HIF1AN: variants seen among roughly 807,000 people sequenced by gnomAD.
The protein encoded by HIF1AN is hypoxia-inducible factor 1-alpha inhibitor.
A neutral mutation model predicts 47.7 loss-of-function variants in HIF1AN; 21 were observed. That is an observed-to-expected ratio of 0.44 (90% CI 0.31 to 0.63). The LOEUF is 0.63. Among genes scored for constraint, HIF1AN ranks in the 30% least tolerant of loss-of-function variants. The pLI is 0.07. For missense variants in HIF1AN, 320 were observed against 432.7 expected, an observed-to-expected ratio of 0.74 and a Z score of 2.31; for synonymous variants, 152 against 155.9, an observed-to-expected ratio of 0.98 and a Z score of 0.18.
chr10:100,542,846 G>GTTTTTTTTTTTTTT (rs397730143), intron 3 of HIF1AN, among the ~76,000 whole-genome samples: 1 of 111,762 alleles, frequency 8.9e-6, no homozygotes, highest in Non-Finnish European at 1.7e-5. Context: ...ATGTGAATGT[G>GTTTTTTTTTTTTTT]TTTTTTTTTT....
chr10:100,535,958 G>C lies in HIF1AN; in HGVS notation c.-1G>C. 6.5e-7 allele frequency: 1 copy of C among 1,548,980 alleles called. No individual in the cohort carries two copies. Among genetic ancestry groups the C allele is most frequent in the Non-Finnish European group, 8.7e-7 (1 of 1,147,646 alleles). ...GGTGGGGGCCGTCCCTGGCGGCGGA[G>C]ATGGCGGCGACAGCGGCGGAGGCTG... On this transcript the variant is annotated 5_prime_UTR_variant, in exon 1 of 8. Coordinates refer to ENST00000299163, the MANE Select transcript of HIF1AN (RefSeq NM_017902.3).
Position 100,546,021 on chromosome 10 carries a change from G to T in HIF1AN, c.802G>T (p.Gly268Cys). 6.2e-7 allele frequency: 1 copy of T among 1,613,678 alleles called. No homozygotes were observed. Residue 268 changes from glycine (G) to cysteine (C), a missense_variant, in exon 5 of 8, where the codon GGT becomes TGT. Around this residue, in one of 2 missense-constraint regions of HIF1AN, gnomAD observed 161 missense variants for 272.8 expected, o/e 0.59. Coordinates refer to ENST00000299163, the MANE Select transcript of HIF1AN (RefSeq NM_017902.3). ...TGGTTACGAAACAGTGGTTGGCCCT[G>T]GTGATGTTCTTTACATCCCAATGTA... ...VVGYETVVGP[G>C]DVLYIPMYWW... is the part of the protein sequence containing the mutation.
rs1412528528 is a variant in HIF1AN at position 100,556,400 on chromosome 10, C to G, written c.*8263C>G. On this transcript the variant is annotated 3_prime_UTR_variant, in exon 8 of 8. Coordinates refer to ENST00000299163, the MANE Select transcript of HIF1AN (RefSeq NM_017902.3). ...AGAGGCATTGAAGGTTTGTATGAGCCAGCAGCACAGTCAGAAGGCAAGAAG... is the reference window on the plus strand; with the variant it reads ...AGAGGCATTGAAGGTTTGTATGAGCGAGCAGCACAGTCAGAAGGCAAGAAG... 1 of 152,176 alleles carries G rather than the reference C, an allele frequency of 6.6e-6. No individual in the cohort carries two copies. Among genetic ancestry groups the G allele is most frequent in the South Asian group, 2.1e-4 (1 of 4,828 alleles). The allele number at this position is 152,176 out of a possible 1,614,324, so 9.4% of individuals were successfully genotyped here.
chr10:100,543,411 T>C (rs1027254578), intron 3 of HIF1AN, among the ~76,000 whole-genome samples: 1 of 152,046 alleles, frequency 6.6e-6, no homozygotes, highest in Non-Finnish European at 1.5e-5. Flanking sequence ...CCCGGACTGG[T>C]CTCGAACTCC....
chr10:100,545,246 G>A, intron 4 of HIF1AN, 150 bp downstream of exon 4: 1 of 770,518 alleles, frequency 1.3e-6, no homozygotes, highest in Non-Finnish European at 2.0e-6. Flanking sequence ...TTTCATTGTA[G>A]CTCACATATT....
intron 2 of HIF1AN, 143 bp from the exon 3 acceptor site, chr10:100,540,491 T>C: frequency 1.3e-6 from 1 of 781,822 alleles, no homozygotes; most frequent in Non-Finnish European, 2.1e-6. Flanking sequence ...TGAGAATCCA[T>C]GTTGGCTAAA....
chr10:100,555,513 C>T lies in HIF1AN; in HGVS notation c.*7376C>T, dbSNP rs1843207371. 2 of 152,270 alleles carry T rather than the reference C, an allele frequency of 1.3e-5. No individual in the cohort carries two copies. The highest frequency in any genetic ancestry group is 4.8e-5 in the African/African-American group (2 of 41,436). The allele number at this position is 152,270 out of a possible 1,614,324, so 9.4% of individuals were successfully genotyped here. A position where few individuals can be genotyped will look rare whatever the true frequency, so the allele number is the denominator to read the frequency against. On this transcript the variant is annotated 3_prime_UTR_variant, in exon 8 of 8. Transcript: ENST00000299163. Reference sequence around the variant, plus strand: ...TTGGGTCTATCCCCACGCCCAGCCACCTCTCCTCCTCACTATAAGCCAAGT... The same window carrying T: ...TTGGGTCTATCCCCACGCCCAGCCATCTCTCCTCCTCACTATAAGCCAAGT...
rs897328050 is a variant in HIF1AN, at chr10:100,549,950, A to G, written c.*1813A>G. The G allele has an allele frequency of 6.6e-6, 1 of 152,062 alleles. No homozygotes were observed. The highest frequency in any genetic ancestry group is 1.5e-5 in the Non-Finnish European group (1 of 68,016). The allele number at this position is 152,062 out of a possible 1,614,324, so 9.4% of individuals were successfully genotyped here. A position where few individuals can be genotyped will look rare whatever the true frequency, so the allele number is the denominator to read the frequency against. On this transcript the variant is annotated 3_prime_UTR_variant, in exon 8 of 8. Coordinates refer to ENST00000299163, the MANE Select transcript of HIF1AN (RefSeq NM_017902.3). ...TCTCTGATGCAGTGTGGATGTGAAG[A>G]TATGGTACCTTCTCAAGTGTAGCTC... is the stretch of plus-strand genomic sequence containing the variant.
At position 100,557,584 on chromosome 10, in the gene HIF1AN, T is replaced by G. The variant is rs1430014270; in HGVS notation, c.*9447T>G. 6.6e-6 allele frequency: 1 copy of G among 152,314 alleles called. No homozygotes were observed. Among genetic ancestry groups the G allele is most frequent in the East Asian group, 1.9e-4 (1 of 5,206 alleles). 9.4% of individuals were successfully genotyped at this position (152,314 alleles called of 1,614,324 possible). ...CCTCAGCCTCCCGAGTAGCTGGGAC[T>G]CAGGCGTGCGCCACCATGCCTGGCT... On this transcript the variant is annotated 3_prime_UTR_variant, in exon 8 of 8. Transcript: ENST00000299163.
At chr10:100,546,403 C>T (rs984853920) in intron 5 of HIF1AN, 115 bp from the exon 6 acceptor site, 23 of 767,880 alleles carry the variant, frequency 3.0e-5, no homozygotes, top group Admixed American at 1.7e-4. Context: ...CACTATTTTC[C>T]GTAACTGGAC....
chr10:100,547,668 C>T (rs563108780), intron 7 of HIF1AN, among the ~76,000 whole-genome samples: 2 of 152,298 alleles, frequency 1.3e-5, no homozygotes, highest in South Asian at 4.1e-4. Context: ...TTGCTTGCCT[C>T]TTGGAGGTAA....
intron 3 of HIF1AN, among the ~76,000 whole-genome samples, chr10:100,543,267 G>A (rs554963866): frequency 3.9e-5 from 6 of 152,234 alleles, no homozygotes; most frequent in Admixed American, 2.6e-4. Context: ...AGGGCTCACT[G>A]CAGCCTTGAC....
chr10:100,548,149 T>C lies in HIF1AN; in HGVS notation c.*12T>C. On this transcript the variant is annotated 3_prime_UTR_variant, in exon 8 of 8. Coordinates refer to ENST00000299163, the MANE Select transcript of HIF1AN (RefSeq NM_017902.3). ...GCCGATACAACTAGCCTGCCAGGGG[T>C]CAAGGCCTCCTGCCAGGTGACTGCT... 6.2e-7 allele frequency: 1 copy of C among 1,603,808 alleles called. No homozygotes were observed. Among genetic ancestry groups the C allele is most frequent in the Non-Finnish European group, 8.5e-7 (1 of 1,174,714 alleles).
intron 2 of HIF1AN, among the ~76,000 whole-genome samples, chr10:100,539,384 G>A (rs1842997993): frequency 6.6e-6 from 1 of 152,144 alleles, no homozygotes. Context: ...CCTTCCTCAG[G>A]TATGTTAGGA....
rs967781563 is a variant in HIF1AN, at chr10:100,550,024, T to G, written c.*1887T>G. The G allele has an allele frequency of 1.3e-5, 2 of 152,204 alleles. No individual in the cohort carries two copies. The highest frequency in any genetic ancestry group is 4.8e-5 in the African/African-American group (2 of 41,446). The allele number at this position is 152,204 out of a possible 1,614,324, so 9.4% of individuals were successfully genotyped here. A position where few individuals can be genotyped will look rare whatever the true frequency, so the allele number is the denominator to read the frequency against. On this transcript the variant is annotated 3_prime_UTR_variant, in exon 8 of 8. Coordinates refer to ENST00000299163, the MANE Select transcript of HIF1AN (RefSeq NM_017902.3). ...AAATGTGATTGCAGTGATCTCTATCTCTCCACTTCTTTTGGGAAAGAGGAG... is the reference window on the plus strand; with the variant it reads ...AAATGTGATTGCAGTGATCTCTATCGCTCCACTTCTTTTGGGAAAGAGGAG...
In HIF1AN at chr10:100,550,110, G is replaced by A. The variant is rs1843142625; in HGVS notation, c.*1973G>A. 1.3e-5 allele frequency: 2 copies of A among 152,190 alleles called. No individual in the cohort carries two copies. The highest frequency in any genetic ancestry group is 6.5e-5 in the Admixed American group (1 of 15,280). The allele number at this position is 152,190 out of a possible 1,614,324, so 9.4% of individuals were successfully genotyped here. A position where few individuals can be genotyped will look rare whatever the true frequency, so the allele number is the denominator to read the frequency against. On this transcript the variant is annotated 3_prime_UTR_variant, in exon 8 of 8. Coordinates refer to ENST00000299163, the MANE Select transcript of HIF1AN (RefSeq NM_017902.3). ...CTTGGAAAGATAGTAGATTATTTTCGTTCTCCTCAGCAGGTCTGCTGTATT... is the reference window on the plus strand; with the variant it reads ...CTTGGAAAGATAGTAGATTATTTTCATTCTCCTCAGCAGGTCTGCTGTATT...
In HIF1AN at chr10:100,554,002, C is replaced by T. The variant is rs1843191724; in HGVS notation, c.*5865C>T. The T allele has an allele frequency of 6.6e-6, 1 of 152,140 alleles. No individual in the cohort carries two copies. Among genetic ancestry groups the T allele is most frequent in the Non-Finnish European group, 1.5e-5 (1 of 68,030 alleles). The allele number at this position is 152,140 out of a possible 1,614,324, so 9.4% of individuals were successfully genotyped here. A position where few individuals can be genotyped will look rare whatever the true frequency, so the allele number is the denominator to read the frequency against. On this transcript the variant is annotated 3_prime_UTR_variant, in exon 8 of 8. Transcript: ENST00000299163. ...GTGGTTCTTTCTCTCTCAAGAAAAG[C>T]ATAGGGAAAAACGAGAAACACCTTA...
chr10:100,542,441 C>T (rs1048469807), intron 3 of HIF1AN, among the ~76,000 whole-genome samples: 2 of 152,168 alleles, frequency 1.3e-5, no homozygotes, highest in Non-Finnish European at 2.9e-5. Flanking sequence ...ACAAGCTCCG[C>T]CTCCCAGGTT....
intron 3 of HIF1AN, among the ~76,000 whole-genome samples, chr10:100,544,149 A>G (rs931475684): frequency 1.3e-5 from 2 of 152,258 alleles, no homozygotes; most frequent in Non-Finnish European, 2.9e-5. Context: ...AACATACACT[A>G]GGGCACAACT....
Sources: allele counts gnomAD v4.1 joint callset (sites outside exome capture counted in the v4.1 genomes callset), GRCh38; gene constraint gnomAD v4.1.1; regional missense constraint gnomAD v4.1.1; transcripts MANE v1.5; gene names NCBI Gene and HGNC (gene_info 2026-07-23, HGNC 2026-07-21).